Variants in SND1 observed in about 807,000 individuals in gnomAD.
The protein encoded by SND1 is staphylococcal nuclease and tudor domain containing 1.
In SND1, 38 loss-of-function variants were observed where a neutral mutation model predicts 121.7. The observed-to-expected ratio is 0.31, with a 90% CI of 0.24 to 0.41. The LOEUF (loss-of-function observed/expected upper bound fraction) is 0.41, where lower values mean the gene tolerates loss of function less well. Among genes scored for constraint, SND1 ranks in the 10% least tolerant of loss-of-function variants. The pLI is 1.00. For synonymous variants in SND1, 401 were observed against 447.4 expected, an observed-to-expected ratio of 0.90 and a Z score of 1.31; for missense variants, 868 against 1,184.6, an observed-to-expected ratio of 0.73 and a Z score of 3.92.
At chr7:127,915,139 T>G (rs1800547558) in intron 14 of SND1, among the ~76,000 whole-genome samples, 1 of 152,094 alleles carries the variant, frequency 6.6e-6, no homozygotes, top group Non-Finnish European at 1.5e-5. Flanking sequence ...TGCATTAGCC[T>G]CCTGAGTAGC....
intron 10 of SND1, among the ~76,000 whole-genome samples, chr7:127,779,559 C>T (rs766422920): frequency 2.0e-5 from 3 of 152,122 alleles, no homozygotes; most frequent in Admixed American, 6.5e-5. Flanking sequence ...CTGTTTGCTC[C>T]GATTTAGAAT....
chr7:127,678,402 T>G (rs969691185), intron 1 of SND1, among the ~76,000 whole-genome samples: 2 of 152,188 alleles, frequency 1.3e-5, no homozygotes, highest in African/African-American at 2.4e-5. Context: ...TTTGGCACAG[T>G]TGGCTCGGGA....
chr7:127,819,641 C>T (rs1401756597), intron 11 of SND1, among the ~76,000 whole-genome samples: 1 of 152,116 alleles, frequency 6.6e-6, no homozygotes, highest in Admixed American at 6.6e-5. Flanking sequence ...GTTCACCTCA[C>T]CCGCTTTCTA....
intron 16 of SND1, among the ~76,000 whole-genome samples, chr7:128,058,755 TTTC>T (rs1245795152): frequency 3.3e-5 from 5 of 152,192 alleles, no homozygotes; most frequent in Admixed American, 2.6e-4. Flanking sequence ...ACATGCATCA[TTTC>T]TTCCCATGTC....
chr7:127,895,546 A>G (rs762596597), intron 13 of SND1, among the ~76,000 whole-genome samples: 1 of 152,078 alleles, frequency 6.6e-6, no homozygotes, highest in Non-Finnish European at 1.5e-5. Context: ...GAGGTTGCTA[A>G]CTGGATTCAG....
At chr7:128,043,513 G>T (rs1214879613) in intron 16 of SND1, among the ~76,000 whole-genome samples, 1 of 151,932 alleles carries the variant, frequency 6.6e-6, no homozygotes, top group Non-Finnish European at 1.5e-5. Context: ...GGCAGAGGCT[G>T]CAGTGAGCCG....
At chr7:127,985,204 G>A (rs1170247297) in intron 15 of SND1, among the ~76,000 whole-genome samples, 2 of 152,194 alleles carry the variant, frequency 1.3e-5, no homozygotes, top group African/African-American at 2.4e-5. Context: ...GCCCGAGGCT[G>A]TCTCCTTAGT....
rs2116354405 is a variant in SND1 at position 127,707,603 on chromosome 7, C to T, written c.994C>T (p.Pro332Ser). ...GAGAATATGGAGAGACTATGTGGCT[C>T]CCACAGCTAATTTGGACCAAAAGGA... is the stretch of plus-strand genomic sequence containing the variant. ...RLRIWRDYVA[P>S]TANLDQKDKQ... Residue 332 changes from proline to serine, a missense_variant, in exon 9 of 24, where the codon CCC becomes TCC. Physicochemically the swap from Pro to Ser is moderately conservative, Grantham distance 74. Transcript: ENST00000354725. 6.2e-7 allele frequency: 1 copy of T among 1,614,068 alleles called. No homozygotes were observed. Among genetic ancestry groups the T allele is most frequent in the African/African-American group, 1.3e-5 (1 of 75,022 alleles).
rs1793799792 is a variant in SND1, at chr7:128,092,428, C to A, written c.*370C>A. On this transcript the variant is annotated 3_prime_UTR_variant, in exon 24 of 24. Coordinates refer to ENST00000354725, the MANE Select transcript of SND1 (RefSeq NM_014390.4). The surrounding 1 kb of genome is among the most constrained non-coding windows in gnomAD (Gnocchi z 4.9). ...AGGCTGGCCGCCAGCTGGCACCTGC[C>A]TCTATCCCAGACTGCCCTCGTCCCA... 1 of 258,366 alleles carries A rather than the reference C, an allele frequency of 3.9e-6. No homozygotes were observed. Among genetic ancestry groups the A allele is most frequent in the Non-Finnish European group, 7.4e-6 (1 of 134,310 alleles). The allele number at this position is 258,366 out of a possible 1,614,324, so 16.0% of individuals were successfully genotyped here.
chr7:128,067,544 G>A (rs765241053), intron 16 of SND1, among the ~76,000 whole-genome samples: 3 of 152,228 alleles, frequency 2.0e-5, no homozygotes, highest in African/African-American at 4.8e-5. Flanking sequence ...GGGCAGTGGC[G>A]CCCTGTGCTG....
intron 16 of SND1, chr7:128,031,995 C>G (rs926922536): frequency 1.3e-5 from 2 of 148,270 alleles, no homozygotes; most frequent in African/African-American, 5.0e-5. Flanking sequence ...AGCAGCGGGG[C>G]CCCTGCGCGC....
chr7:128,081,242 C>T (rs904296172), intron 17 of SND1, 118 bp from the exon 18 acceptor site: 16 of 1,239,518 alleles, frequency 1.3e-5, no homozygotes, highest in Admixed American at 2.1e-5. Flanking sequence ...GTGATCCACC[C>T]GCCTCGGCCT....
intron 17 of SND1, among the ~76,000 whole-genome samples, chr7:128,079,287 A>C (rs1360725308): frequency 6.6e-6 from 1 of 152,224 alleles, no homozygotes; most frequent in African/African-American, 2.4e-5. Flanking sequence ...CTAGAGACCC[A>C]CTTCCCCACA....
intron 15 of SND1, among the ~76,000 whole-genome samples, chr7:127,950,152 G>A (rs892505207): frequency 3.3e-5 from 5 of 152,164 alleles, no homozygotes; most frequent in South Asian, 2.1e-4. Context: ...GTTTCCAGAC[G>A]ATGTCAATGC....
Position 127,904,868 on chromosome 7 carries a change from G to A in SND1, c.1527+49G>A, listed in dbSNP as rs369788099. 4.3e-5 allele frequency: 50 copies of A among 1,162,414 alleles called. No homozygotes were observed. The Middle Eastern group carries it at 9.6e-4, about 22-fold the overall frequency. 72.0% of individuals were successfully genotyped at this position (1,162,414 alleles called of 1,614,324 possible). ...CTGTGTGGCTCAGAGGCTCAAGAGC[G>A]TGTCTGCATATTTGCTGAAGGACTT... On this transcript the variant is annotated intron_variant, in intron 14 of 23. Transcript: ENST00000354725.
intron 11 of SND1, among the ~76,000 whole-genome samples, chr7:127,840,418 A>G (rs1187192634): frequency 6.6e-6 from 1 of 152,182 alleles, no homozygotes; most frequent in Admixed American, 6.5e-5. Context: ...AACAGGGATC[A>G]GGGTCTGAGT....
chr7:127,869,445 A>G (rs1799537969), intron 12 of SND1, among the ~76,000 whole-genome samples: 3 of 152,136 alleles, frequency 2.0e-5, no homozygotes, highest in Non-Finnish European at 4.4e-5. Flanking sequence ...TGACCTTCAG[A>G]GATTTATTCT....
chr7:127,721,573 G>T (rs1462905294), intron 10 of SND1, among the ~76,000 whole-genome samples, 173 bp downstream of exon 10: 2 of 152,216 alleles, frequency 1.3e-5, no homozygotes, highest in Non-Finnish European at 2.9e-5. Context: ...TATTGGGCAG[G>T]TCTCAGTGTC....
chr7:127,668,654 T>C (rs544283252), intron 1 of SND1, among the ~76,000 whole-genome samples: 44 of 152,330 alleles, frequency 2.9e-4, no homozygotes, highest in Non-Finnish European at 5.3e-4. Context: ...CCACAGCTCA[T>C]AGCTTAGTGA....
Sources: allele counts gnomAD v4.1 joint callset (sites outside exome capture counted in the v4.1 genomes callset), GRCh38; gene constraint gnomAD v4.1.1; non-coding constraint Gnocchi (gnomAD v3.1); transcripts MANE v1.5; gene names NCBI Gene and HGNC (gene_info 2026-07-23, HGNC 2026-07-21).